Variants in SLC30A9 observed in about 807,000 individuals in gnomAD.
The protein encoded by SLC30A9 is proton-coupled zinc antiporter SLC30A9, mitochondrial.
Under a neutral mutation model 87.5 loss-of-function variants are expected in SLC30A9, and 58 were observed. That is an observed-to-expected ratio of 0.66 (90% CI 0.54 to 0.82). The LOEUF (loss-of-function observed/expected upper bound fraction) is 0.82. SLC30A9 is among the 40% of genes least tolerant of loss of function. The pLI is 0.00. For synonymous variants in SLC30A9, 234 were observed against 233.0 expected, an observed-to-expected ratio of 1.00 and a Z score of -0.04; for missense variants, 557 against 679.1, an observed-to-expected ratio of 0.82 and a Z score of 2.00.
At chr4:42,034,746 A>G (rs1195106690) in intron 6 of SLC30A9, among the ~76,000 whole-genome samples, 3 of 152,226 alleles carry the variant, frequency 2.0e-5, no homozygotes, top group African/African-American at 7.2e-5. Flanking sequence ...ATGGGCATGT[A>G]AATAGCTTTT....
intron 8 of SLC30A9, among the ~76,000 whole-genome samples, chr4:42,042,355 A>C (rs570791735): frequency 3.9e-5 from 6 of 152,102 alleles, no homozygotes; most frequent in Non-Finnish European, 8.8e-5. Flanking sequence ...TTGACATGGG[A>C]TGCTTGAGTT....
At chr4:42,030,360 T>TG (rs1716373780) in intron 6 of SLC30A9, among the ~76,000 whole-genome samples, 1 of 152,222 alleles carries the variant, frequency 6.6e-6, no homozygotes, top group African/African-American at 2.4e-5. Context: ...AGCCTTGGGA[T>TG]GTGCTCATTT....
intron 2 of SLC30A9, among the ~76,000 whole-genome samples, chr4:42,016,942 G>A (rs912794779): frequency 1.3e-5 from 2 of 152,126 alleles, no homozygotes; most frequent in African/African-American, 4.8e-5. Context: ...AGAGTTTCTT[G>A]AAGCCAAATA....
intron 1 of SLC30A9, among the ~76,000 whole-genome samples, chr4:41,992,989 G>C (rs1223727127): frequency 6.6e-6 from 1 of 151,942 alleles, no homozygotes; most frequent in Non-Finnish European, 1.5e-5. Flanking sequence ...AGGAAACCTT[G>C]AGGGATTGCT....
intron 10 of SLC30A9, among the ~76,000 whole-genome samples, chr4:42,062,463 G>C (rs1717896263): frequency 6.6e-6 from 1 of 152,054 alleles, no homozygotes; most frequent in African/African-American, 2.4e-5. Flanking sequence ...AAAACTGAAG[G>C]TCTTAGTTCT....
At chr4:41,999,833 T>G (rs1714899874) in intron 1 of SLC30A9, among the ~76,000 whole-genome samples, 1 of 152,156 alleles carries the variant, frequency 6.6e-6, no homozygotes, top group African/African-American at 2.4e-5. Context: ...TTGAGAATAT[T>G]TGATATTAAG....
intron 2 of SLC30A9, among the ~76,000 whole-genome samples, chr4:42,017,066 A>T (rs1715752728): frequency 6.6e-6 from 1 of 152,174 alleles, no homozygotes; most frequent in Admixed American, 6.5e-5. Context: ...CCAGCAGTGT[A>T]TGCATTTTCA....
intron 1 of SLC30A9, among the ~76,000 whole-genome samples, chr4:41,997,633 A>G (rs983386164): frequency 6.6e-6 from 1 of 152,224 alleles, no homozygotes; most frequent in African/African-American, 2.4e-5. Flanking sequence ...TGAATACATA[A>G]TAAAAGTATA....
intron 2 of SLC30A9, among the ~76,000 whole-genome samples, chr4:42,011,840 A>G (rs1715458484): frequency 6.6e-6 from 1 of 152,212 alleles, no homozygotes; most frequent in South Asian, 2.1e-4. Flanking sequence ...GGAAAAGGAG[A>G]CAATTAGAAA....
chr4:42,078,455 G>C (rs1718642525), intron 17 of SLC30A9, 130 bp downstream of exon 17: 2 of 513,702 alleles, frequency 3.9e-6, no homozygotes, highest in Non-Finnish European at 7.0e-6. Flanking sequence ...CAGTGTGTAG[G>C]TATTTATAAG....
At chr4:42,002,365 T>G (rs1447021738) in intron 2 of SLC30A9, among the ~76,000 whole-genome samples, 1 of 152,008 alleles carries the variant, frequency 6.6e-6, no homozygotes, top group Non-Finnish European at 1.5e-5. Flanking sequence ...GTACACGTGA[T>G]CTCATCACCC....
At chr4:42,018,221 T>G in intron 3 of SLC30A9, 51 bp downstream of exon 3, 1 of 1,034,112 alleles carries the variant, frequency 9.7e-7, no homozygotes, top group Non-Finnish European at 1.5e-6. Context: ...TTGAATTAAA[T>G]ATATAACATT....
At chr4:42,082,896 G>T (rs1718793658) in intron 17 of SLC30A9, among the ~76,000 whole-genome samples, 1 of 151,582 alleles carries the variant, frequency 6.6e-6, no homozygotes, top group Non-Finnish European at 1.5e-5. Context: ...ATCTGTAAAG[G>T]TGTTAAAAAT....
rs1560541092 is a variant in SLC30A9 at position 42,022,081 on chromosome 4, GCC to G, written c.435-755_435-754del. On this transcript the variant is annotated intron_variant, in intron 4 of 17. Coordinates refer to ENST00000264451, the MANE Select transcript of SLC30A9 (RefSeq NM_006345.4). ...CTCCCGAGTAGCTGGGACTACAGGCGCCCGCCACCACGCCCGGCTAATTTTTG... is the reference window on the plus strand; with the variant it reads ...CTCCCGAGTAGCTGGGACTACAGGCGCGCCACCACGCCCGGCTAATTTTTG... Among the ~76,000 whole-genome samples, 3 of 74,214 alleles carry G rather than the reference GCC, an allele frequency of 4.0e-5. 1 individual carries two copies. Among genetic ancestry groups the G allele is most frequent in the Non-Finnish European group, 1.2e-4 (3 of 25,484 alleles). 48.7% of individuals were successfully genotyped at this position (74,214 alleles called of 152,430 possible). A position where few individuals can be genotyped will look rare whatever the true frequency, so the allele number is the denominator to read the frequency against.
intron 8 of SLC30A9, among the ~76,000 whole-genome samples, chr4:42,044,652 A>T (rs938539851): frequency 6.6e-6 from 1 of 152,210 alleles, no homozygotes; most frequent in African/African-American, 2.4e-5. Context: ...TATTAGACAG[A>T]TCAACAAGAC....
chr4:42,018,051 A>G, intron 2 of SLC30A9, 60 bp from the exon 3 acceptor site: 1 of 908,550 alleles, frequency 1.1e-6, no homozygotes, highest in Non-Finnish European at 1.8e-6. Flanking sequence ...AATATTAATT[A>G]AGTTTATAGA....
intron 1 of SLC30A9, among the ~76,000 whole-genome samples, chr4:41,991,727 T>G (rs2581433): frequency 0.98 from 148,742 of 152,264 alleles, 72,666 homozygotes; most frequent in East Asian, 1. Context: ...AGGCTAGCCT[T>G]GGCAACATAG....
At chr4:42,048,154 C>A (rs1717246229) in intron 8 of SLC30A9, among the ~76,000 whole-genome samples, 1 of 152,094 alleles carries the variant, frequency 6.6e-6, no homozygotes, top group Non-Finnish European at 1.5e-5. Flanking sequence ...TGCAGCAAAC[C>A]ACCATGGCAC....
At chr4:42,067,266 T>C in intron 14 of SLC30A9, 74 bp downstream of exon 14, 1 of 927,788 alleles carries the variant, frequency 1.1e-6, no homozygotes, top group Non-Finnish European at 1.8e-6. Context: ...GAATTTTCTC[T>C]TATATCATTG....
Sources: allele counts gnomAD v4.1 joint callset (sites outside exome capture counted in the v4.1 genomes callset), GRCh38; gene constraint gnomAD v4.1.1; transcripts MANE v1.5; gene names NCBI Gene and HGNC (gene_info 2026-07-23, HGNC 2026-07-21).